Variants in SFT2D2 observed in about 807,000 individuals in gnomAD.
The protein encoded by SFT2D2 is SFT2 domain containing 2, also known as vesicle transport protein SFT2B.
Under a neutral mutation model 27.4 loss-of-function variants are expected in SFT2D2, and 21 were observed. The observed-to-expected ratio is 0.77, with a 90% CI of 0.54 to 1.10. The LOEUF is 1.10. Among genes scored for constraint, SFT2D2 ranks in the 50% least tolerant of loss-of-function variants. SFT2D2 has a pLI of 0.00. For missense variants in SFT2D2, 187 were observed against 194.2 expected (o/e 0.96, Z 0.22); for synonymous variants, 72 against 71.7 (o/e 1.00, Z -0.02).
intron 3 of SFT2D2, among the ~76,000 whole-genome samples, chr1:168,233,385 G>T (rs1231930515): frequency 6.6e-6 from 1 of 152,190 alleles, no homozygotes; most frequent in Admixed American, 6.5e-5. Context: ...TTATGTGCCA[G>T]TGCAGGTAGC....
At chr1:168,230,498 G>C (rs1468122859) in intron 1 of SFT2D2, among the ~76,000 whole-genome samples, 2 of 152,166 alleles carry the variant, frequency 1.3e-5, no homozygotes, top group Non-Finnish European at 2.9e-5. Context: ...TTCCGAGACA[G>C]AGTTACACTC....
intron 4 of SFT2D2, among the ~76,000 whole-genome samples, chr1:168,236,067 G>A (rs1019587817): frequency 5.3e-5 from 8 of 152,224 alleles, no homozygotes; most frequent in African/African-American, 1.9e-4. Flanking sequence ...TCCTTGGCCA[G>A]CCTCAGATGC....
intron 1 of SFT2D2, among the ~76,000 whole-genome samples, chr1:168,229,897 G>T (rs1238577361): frequency 7.2e-5 from 11 of 152,178 alleles, no homozygotes; most frequent in Non-Finnish European, 1.5e-5. Flanking sequence ...TGGGAAACCA[G>T]ACTCCTCCAG....
At chr1:168,226,567 C>T (rs1700461180) in intron 1 of SFT2D2, among the ~76,000 whole-genome samples, 1 of 151,624 alleles carries the variant, frequency 6.6e-6, no homozygotes, top group African/African-American at 2.4e-5. Context: ...GGGTGGCGGT[C>T]CCTACCTCGC....
At position 168,247,681 on chromosome 1, in the gene SFT2D2, T is replaced by C. The variant is rs895943289; in HGVS notation, c.*5141T>C. 2.6e-5 allele frequency: 4 copies of C among 152,234 alleles called. No homozygotes were observed. Among genetic ancestry groups the C allele is most frequent in the Admixed American group, 2.6e-4 (4 of 15,290 alleles). 9.4% of individuals were successfully genotyped at this position (152,234 alleles called of 1,614,324 possible). A position where few individuals can be genotyped will look rare whatever the true frequency, so the allele number is the denominator to read the frequency against. On this transcript the variant is annotated 3_prime_UTR_variant, in exon 8 of 8. Coordinates refer to ENST00000271375, the MANE Select transcript of SFT2D2 (RefSeq NM_199344.3). ...GTAGAATGATTTATAACCCTTTGGG[T>C]ATATACCCAGTAATGAGATTGCTGG...
rs1348650693 is a variant in SFT2D2, at chr1:168,249,394, C to G, written c.*6854C>G. ...GGGACTACAGGCATGTGCCACCACA[C>G]CCGGCTAATTTTTGTATTTTTAGTA... On this transcript the variant is annotated 3_prime_UTR_variant, in exon 8 of 8. Transcript: ENST00000271375. 1 of 152,170 alleles carries G rather than the reference C, an allele frequency of 6.6e-6. No homozygotes were observed. The highest frequency in any genetic ancestry group is 1.9e-4 in the East Asian group (1 of 5,190). The allele number at this position is 152,170 out of a possible 1,614,324, so 9.4% of individuals were successfully genotyped here.
intron 1 of SFT2D2, among the ~76,000 whole-genome samples, chr1:168,229,242 C>T (rs547425654): frequency 6.6e-6 from 1 of 152,162 alleles, no homozygotes; most frequent in Non-Finnish European, 1.5e-5. Flanking sequence ...TGAGACTGAG[C>T]GGAGTCTCGC....
At chr1:168,232,022 G>A in intron 3 of SFT2D2, 103 bp downstream of exon 3, 1 of 866,586 alleles carries the variant, frequency 1.2e-6, no homozygotes, top group South Asian at 1.4e-5. Flanking sequence ...GTAGTTGTAA[G>A]GAATTTGGAG....
rs768840534 is a variant in SFT2D2, at chr1:168,244,334, C to A, written c.*1794C>A. The A allele has an allele frequency of 9.2e-5, 14 of 152,270 alleles. No individual in the cohort carries two copies. The highest frequency in any genetic ancestry group is 1.9e-4 in the Non-Finnish European group (13 of 68,184). The allele number at this position is 152,270 out of a possible 1,614,324, so 9.4% of individuals were successfully genotyped here. Reference sequence around the variant, plus strand: ...CTGGGATTACAGGTGCCCGCCACCACGCCCGTGCTAATTTTTGTGTTTTTA... The same window carrying A: ...CTGGGATTACAGGTGCCCGCCACCAAGCCCGTGCTAATTTTTGTGTTTTTA... On this transcript the variant is annotated 3_prime_UTR_variant, in exon 8 of 8. Transcript: ENST00000271375.
intron 1 of SFT2D2, among the ~76,000 whole-genome samples, chr1:168,228,638 A>G (rs1026921896): frequency 6.6e-6 from 1 of 152,204 alleles, no homozygotes; most frequent in Non-Finnish European, 1.5e-5. Flanking sequence ...TCTAATTTTA[A>G]AGTGTGGAAA....
chr1:168,226,063 G>A lies in SFT2D2; in HGVS notation c.-17G>A. 6.6e-7 allele frequency: 1 copy of A among 1,519,476 alleles called. No homozygotes were observed. The highest frequency in any genetic ancestry group is 8.8e-7 in the Non-Finnish European group (1 of 1,131,942). The allele number at this position is 1,519,476 out of a possible 1,614,324, so 94.1% of individuals were successfully genotyped here. A position where few individuals can be genotyped will look rare whatever the true frequency, so the allele number is the denominator to read the frequency against. ...GGCTGCCGCTGAGGAGCTGGAGCTG[G>A]TGGGGACTGGGCCGCAATGGACAAG... is the stretch of plus-strand genomic sequence containing the variant. On this transcript the variant is annotated 5_prime_UTR_variant, in exon 1 of 8. The change creates a new upstream start codon in the 5' untranslated region. Coordinates refer to ENST00000271375, the MANE Select transcript of SFT2D2 (RefSeq NM_199344.3).
At chr1:168,229,465 T>C (rs1262500810) in intron 1 of SFT2D2, 3 of 152,334 alleles carry the variant, frequency 2.0e-5, no homozygotes, top group South Asian at 2.1e-4. Flanking sequence ...GTTGATGCCA[T>C]GTGGTGCTCA....
intron 7 of SFT2D2, among the ~76,000 whole-genome samples, chr1:168,241,467 A>G (rs1034771291): frequency 3.3e-5 from 5 of 151,842 alleles, no homozygotes; most frequent in African/African-American, 1.2e-4. Context: ...TGCTGGGTTT[A>G]CAGGTCCGAA....
intron 4 of SFT2D2, 64 bp from the exon 5 acceptor site, chr1:168,236,525 G>C (rs1450075918): frequency 1.3e-6 from 2 of 1,514,374 alleles, no homozygotes; most frequent in African/African-American, 1.4e-5. Context: ...AGAATAACAA[G>C]TTTTGAGTTT....
chr1:168,246,924 A>G lies in SFT2D2; in HGVS notation c.*4384A>G, dbSNP rs748122319. ...TTTCTTTTCCAGGATTTGATTTTTT[A>G]TTGTGTGTATTTCCAGCCTGAGCCT... On this transcript the variant is annotated 3_prime_UTR_variant, in exon 8 of 8. Coordinates refer to ENST00000271375, the MANE Select transcript of SFT2D2 (RefSeq NM_199344.3). The G allele has an allele frequency of 1.6e-5, 10 of 616,344 alleles. No homozygotes were observed. Among genetic ancestry groups the G allele is most frequent in the African/African-American group, 3.7e-5 (2 of 53,800 alleles). 38.2% of individuals were successfully genotyped at this position (616,344 alleles called of 1,614,324 possible).
At chr1:168,239,457 GTTTTTT>G (rs34187475) in intron 7 of SFT2D2, among the ~76,000 whole-genome samples, 2 of 129,496 alleles carry the variant, frequency 1.5e-5, no homozygotes, top group South Asian at 2.4e-4. Context: ...TTTGAGTAGG[GTTTTTT>G]TTTTTTTTTT....
At chr1:168,235,005 TA>T in intron 3 of SFT2D2, 95 bp from the exon 4 acceptor site, 2 of 1,043,790 alleles carry the variant, frequency 1.9e-6, no homozygotes, top group South Asian at 2.5e-5. Context: ...TTTCAAATGT[TA>T]GCTACTATTG....
chr1:168,250,813 A>C lies in SFT2D2; in HGVS notation c.*8273A>C, dbSNP rs2102338231. The stretch of plus-strand genomic sequence containing the variant: ...ATAGCCGTAGCTCAGATCCTAGCTC[A>C]AGATGTCTTGTCTGGGAAGGGCAAA... On this transcript the variant is annotated 3_prime_UTR_variant, in exon 8 of 8. Transcript: ENST00000271375. 1 of 152,302 alleles carries C rather than the reference A, an allele frequency of 6.6e-6. No homozygotes were observed. The highest frequency in any genetic ancestry group is 2.4e-5 in the African/African-American group (1 of 41,534). 9.4% of individuals were successfully genotyped at this position (152,302 alleles called of 1,614,324 possible).
Position 168,252,946 on chromosome 1 carries a change from G to C in SFT2D2, c.*10406G>C, listed in dbSNP as rs984696957. 6.6e-6 allele frequency: 1 copy of C among 152,058 alleles called. No individual in the cohort carries two copies. Among genetic ancestry groups the C allele is most frequent in the Non-Finnish European group, 1.5e-5 (1 of 68,018 alleles). 9.4% of individuals were successfully genotyped at this position (152,058 alleles called of 1,614,324 possible). A position where few individuals can be genotyped will look rare whatever the true frequency, so the allele number is the denominator to read the frequency against. On this transcript the variant is annotated 3_prime_UTR_variant, in exon 8 of 8. Transcript: ENST00000271375. Reference sequence around the variant, plus strand: ...ACTTTAAAAGGAATGTTGCCAAGCTGTCTCTCCTCCCCCATCACAATTGTT... The same window carrying C: ...ACTTTAAAAGGAATGTTGCCAAGCTCTCTCTCCTCCCCCATCACAATTGTT...
Sources: gnomAD v4.1 joint callset for allele counts (sites outside exome capture counted in the v4.1 genomes callset) on GRCh38, gnomAD v4.1.1 for gene constraint, MANE v1.5 for transcripts, NCBI Gene and HGNC (gene_info 2026-07-23, HGNC 2026-07-21) for gene names.